Variants in KIAA0319 observed in about 807,000 individuals in gnomAD.
The protein encoded by KIAA0319 is KIAA0319.
Under a neutral mutation model 108.4 loss-of-function variants are expected in KIAA0319, and 83 were observed. That is an observed-to-expected ratio of 0.77 (90% CI 0.64 to 0.92). KIAA0319 has a LOEUF of 0.92. Among genes scored for constraint, KIAA0319 ranks in the 40% least tolerant of loss-of-function variants. KIAA0319 has a pLI of 0.00. For missense variants in KIAA0319, 1,195 were observed against 1,322.4 expected (o/e 0.90, Z 1.49); for synonymous variants, 484 against 510.4 (o/e 0.95, Z 0.70).
intron 1 of KIAA0319, among the ~76,000 whole-genome samples, chr6:24,644,542 T>C (rs1777374478): frequency 6.6e-6 from 1 of 151,994 alleles, no homozygotes; most frequent in African/African-American, 2.4e-5. Flanking sequence ...TCCAAGAACG[T>C]ATCAAGAATG....
At chr6:24,616,156 A>C (rs909542550) in intron 1 of KIAA0319, among the ~76,000 whole-genome samples, 3 of 152,226 alleles carry the variant, frequency 2.0e-5, no homozygotes, top group Non-Finnish European at 4.4e-5. Context: ...ATATTGCTTA[A>C]ATACAAGGCT....
At chr6:24,603,842 AACT>A (rs1302703383) in intron 1 of KIAA0319, among the ~76,000 whole-genome samples, 13 of 152,192 alleles carry the variant, frequency 8.5e-5, no homozygotes, top group Non-Finnish European at 1.8e-4. Context: ...ATCGAGAACC[AACT>A]CAAATCACGA....
At chr6:24,551,558 C>T (rs2127414210) in intron 19 of KIAA0319, 33 bp from the exon 20 acceptor site, 1 of 1,409,134 alleles carries the variant, frequency 7.1e-7, no homozygotes, top group Non-Finnish European at 1.0e-6. Context: ...CAACTCAGAT[C>T]TTTAGAAAGG....
At chr6:24,555,267 G>A (rs1032273488) in intron 18 of KIAA0319, among the ~76,000 whole-genome samples, 3 of 152,072 alleles carry the variant, frequency 2.0e-5, no homozygotes, top group Non-Finnish European at 2.9e-5. Context: ...GAGGCCGAAC[G>A]GGGCAGATGA....
At position 24,583,646 on chromosome 6, in the gene KIAA0319, C is replaced by T; in HGVS notation, c.1051G>A (p.Glu351Lys). 1 of 1,613,978 alleles carries T rather than the reference C, an allele frequency of 6.2e-7. No individual in the cohort carries two copies. The highest frequency in any genetic ancestry group is 1.1e-5 in the South Asian group (1 of 91,058). The change falls in exon 5 of 21, where the codon GAA (glutamate) becomes AAA (lysine). Residue 351 changes from glutamate (E) to lysine (K), a missense_variant. Glu to Lys is a moderately conservative substitution (Grantham distance 56). Transcript: ENST00000378214. ...GCAACAAAGGCCTTCAGTTCAACTT[C>T]ATTGTCGGGTAAAGTTATAATTAGG... ...DNLIITLPDN[E>K]VELKAFVAPA...
chr6:24,540,201 G>A (rs1032356442), downstream of KIAA0319, among the ~76,000 whole-genome samples: 4 of 131,206 alleles, frequency 3.0e-5, no homozygotes, highest in South Asian at 5.0e-4. Flanking sequence ...TAATAAATAC[G>A]TAAACCAGTA....
intron 1 of KIAA0319, 102 bp from the exon 2 acceptor site, chr6:24,601,310 T>C: frequency 7.2e-7 from 1 of 1,379,830 alleles, no homozygotes; most frequent in Non-Finnish European, 9.4e-7. Context: ...GGGAAGCCTG[T>C]CCTGGTCACA....
downstream of KIAA0319, among the ~76,000 whole-genome samples, chr6:24,540,650 C>CTTCT (rs35244025): frequency 0.52 from 76,594 of 146,562 alleles, 21,249 homozygotes; most frequent in African/African-American, 0.73. Flanking sequence ...GACTTTGTTT[C>CTTCT]TTTTTTTTTT....
intron 1 of KIAA0319, among the ~76,000 whole-genome samples, chr6:24,634,483 T>C (rs1173262037): frequency 1.3e-5 from 2 of 152,172 alleles, no homozygotes; most frequent in African/African-American, 4.8e-5. Context: ...AAAATGTAAG[T>C]TTTAATGTGG....
In KIAA0319 at chr6:24,546,886, A is replaced by G. The variant is rs1480237504; in HGVS notation, c.*279T>C. 6.6e-6 allele frequency: 2 copies of G among 303,496 alleles called. No individual in the cohort carries two copies. Among genetic ancestry groups the G allele is most frequent in the Non-Finnish European group, 1.2e-5 (2 of 161,008 alleles). The allele number at this position is 303,496 out of a possible 1,614,324, so 18.8% of individuals were successfully genotyped here. On this transcript the variant is annotated 3_prime_UTR_variant, in exon 21 of 21. Transcript: ENST00000378214. ...AGATAGAAATCGTTGTTCATCTTTA[A>G]TATGAGATTGTGCCAGCTACAAAAA...
In KIAA0319 at chr6:24,588,594, T is replaced by C; in HGVS notation, c.993A>G (p.Thr331=). 6.2e-7 allele frequency: 1 copy of C among 1,609,240 alleles called. No individual in the cohort carries two copies. Among genetic ancestry groups the C allele is most frequent in the Non-Finnish European group, 8.5e-7 (1 of 1,177,112 alleles). ...GAAATTGTATTTTTTAAAAGTTACC[T>C]GTCCTGGGAGCAGTGGTAGGAGATA... ...LPISPTTAPR[T]VKELTVSAGD... Residue 331 remains threonine, a splice_region_variant and synonymous_variant, in exon 4 of 21, where the codon ACA becomes ACG. Transcript: ENST00000378214.
chr6:24,605,022 G>T (rs1771197132), intron 1 of KIAA0319, among the ~76,000 whole-genome samples: 1 of 152,010 alleles, frequency 6.6e-6, no homozygotes, highest in Non-Finnish European at 1.5e-5. Context: ...TGTATTTTTA[G>T]TAGAGATGGG....
At chr6:24,574,250 A>G (rs912090950) in intron 10 of KIAA0319, among the ~76,000 whole-genome samples, 57 of 152,296 alleles carry the variant, frequency 3.7e-4, no homozygotes, top group African/African-American at 1.3e-3. Context: ...CCTGGGCAAC[A>G]TGGCAAAATC....
chr6:24,564,402 T>C (rs1281260583), intron 14 of KIAA0319, 62 bp from the exon 15 acceptor site: 1 of 1,605,422 alleles, frequency 6.2e-7, no homozygotes, highest in African/African-American at 1.3e-5. Context: ...TCTGGGCTTC[T>C]GTTGATCCTA....
chr6:24,541,368 G>A (rs1760186697), downstream of KIAA0319, among the ~76,000 whole-genome samples: 1 of 152,156 alleles, frequency 6.6e-6, no homozygotes, highest in Admixed American at 6.5e-5. Flanking sequence ...CCAGTCGATT[G>A]GATTAGGACC....
intron 1 of KIAA0319, among the ~76,000 whole-genome samples, chr6:24,617,209 G>A (rs1381276698): frequency 6.6e-6 from 1 of 151,172 alleles, no homozygotes; most frequent in Non-Finnish European, 1.5e-5. Flanking sequence ...AACCTCAAAT[G>A]TCCAATATTA....
intron 1 of KIAA0319, among the ~76,000 whole-genome samples, chr6:24,605,956 GAC>G (rs1771339303): frequency 6.7e-6 from 1 of 149,454 alleles, no homozygotes; most frequent in Non-Finnish European, 1.5e-5. Flanking sequence ...TTTTTTTTGA[GAC>G]AGAGTCTCAC....
chr6:24,564,129 T>C (rs1763510536), intron 15 of KIAA0319, 73 bp downstream of exon 15: 1 of 1,587,448 alleles, frequency 6.3e-7, no homozygotes, highest in African/African-American at 1.3e-5. Context: ...ACTGGTCACA[T>C]CTGTCAGCGT....
chr6:24,603,982 TG>T (rs1173638734), intron 1 of KIAA0319, among the ~76,000 whole-genome samples: 1 of 151,864 alleles, frequency 6.6e-6, no homozygotes, highest in Non-Finnish European at 1.5e-5. Flanking sequence ...GGTCCAGAGA[TG>T]GGCTGAGTTA....
Sources: gnomAD v4.1 joint callset for allele counts (sites outside exome capture counted in the v4.1 genomes callset) on GRCh38, gnomAD v4.1.1 for gene constraint, MANE v1.5 for transcripts, NCBI Gene and HGNC (gene_info 2026-07-23, HGNC 2026-07-21) for gene names.